The following GLMN variants were observed in gnomAD, a reference collection of about 807,000 sequenced individuals.
GLMN encodes the protein glomulin, FKBP associated protein.
In GLMN, 75 loss-of-function variants were observed where a neutral mutation model predicts 87.8. The observed-to-expected ratio is 0.85, with a 90% CI of 0.71 to 1.04. GLMN has a LOEUF of 1.04. Ranked by LOEUF, GLMN falls within the 50% of genes least tolerant of loss-of-function variation. The probability of loss-of-function intolerance (pLI) is 0.00; values close to 1 mark genes in which losing one functional copy is unlikely to be tolerated. For synonymous variants in GLMN, 206 were observed against 221.6 expected (o/e 0.93, Z 0.63); for missense variants, 588 against 658.8 (o/e 0.89, Z 1.18).
chr1:92,251,728 AT>A (rs1176588692), intron 16 of GLMN, among the ~76,000 whole-genome samples: 2 of 151,252 alleles, frequency 1.3e-5, no homozygotes, highest in East Asian at 1.9e-4. Flanking sequence ...TAAGTTGAAA[AT>A]TTTTTTCTTT....
chr1:92,278,741 T>A (rs1647604960), intron 7 of GLMN, among the ~76,000 whole-genome samples: 1 of 152,196 alleles, frequency 6.6e-6, no homozygotes, highest in African/African-American at 2.4e-5. Flanking sequence ...TACCCCTCCT[T>A]GTTGCAGTTA....
At chr1:92,356,820 T>C in the GLMN span, among the ~76,000 whole-genome samples, 1 of 151,684 alleles carries the variant, frequency 6.6e-6, no homozygotes, top group Non-Finnish European at 1.5e-5. Context: ...CCCAGCACTT[T>C]GGGAGGCTAA....
intron 9 of GLMN, among the ~76,000 whole-genome samples, 170 bp from the exon 10 acceptor site, chr1:92,268,305 T>C (rs1023625424): frequency 6.6e-6 from 1 of 152,238 alleles, no homozygotes. Context: ...ATCTTTGATC[T>C]GTCTTTCGGT....
upstream of GLMN, among the ~76,000 whole-genome samples, chr1:92,299,985 C>T (rs1457711806): frequency 6.6e-6 from 1 of 152,188 alleles, no homozygotes; most frequent in Non-Finnish European, 1.5e-5. Context: ...CCTACTTACA[C>T]ACTAGGCTAT....
the GLMN span, among the ~76,000 whole-genome samples, chr1:92,350,289 T>A: frequency 6.6e-6 from 1 of 152,202 alleles, no homozygotes; most frequent in Non-Finnish European, 1.5e-5. Flanking sequence ...GTCCTCTTAT[T>A]CTTATTTAAT....
At chr1:92,331,962 G>C in the GLMN span, among the ~76,000 whole-genome samples, 1 of 151,566 alleles carries the variant, frequency 6.6e-6, no homozygotes, top group Admixed American at 6.6e-5. Flanking sequence ...CTTGTCTTTT[G>C]GCTTACATTT....
At chr1:92,273,898 G>A (rs1224158035) in intron 7 of GLMN, among the ~76,000 whole-genome samples, 1 of 152,096 alleles carries the variant, frequency 6.6e-6, no homozygotes, top group African/African-American at 2.4e-5. Context: ...GATCCAGGCT[G>A]TACCTGGCAC....
chr1:92,250,894 CAA>C (rs1241314848), intron 16 of GLMN, among the ~76,000 whole-genome samples: 3 of 152,072 alleles, frequency 2.0e-5, no homozygotes, highest in Non-Finnish European at 4.4e-5. Context: ...TGAGCTTTGA[CAA>C]AGATATATAG....
chr1:92,265,573 T>G (rs1655538294), intron 13 of GLMN, among the ~76,000 whole-genome samples: 1 of 152,018 alleles, frequency 6.6e-6, no homozygotes, highest in Admixed American at 6.6e-5. Context: ...CCCAGGAGTT[T>G]GAGACCAGCC....
the GLMN span, chr1:92,307,318 T>C: frequency 7.5e-7 from 1 of 1,335,676 alleles, no homozygotes; most frequent in Non-Finnish European, 1.0e-6. Flanking sequence ...TCATATATTC[T>C]AATAATTTGT....
At chr1:92,346,158 A>G in the GLMN span, among the ~76,000 whole-genome samples, 3 of 146,856 alleles carry the variant, frequency 2.0e-5, no homozygotes, top group African/African-American at 7.6e-5. Context: ...ATTTGTTTTC[A>G]TCTCTTTTTT....
At chr1:92,269,570 C>T (rs1037087411) in intron 9 of GLMN, among the ~76,000 whole-genome samples, 153 bp downstream of exon 9, 11 of 152,264 alleles carry the variant, frequency 7.2e-5, no homozygotes, top group African/African-American at 2.6e-4. Flanking sequence ...TGACTCATTT[C>T]TGTCTCTCTC....
At position 92,247,093 on chromosome 1, in the gene GLMN, A is replaced by T. The variant is rs1392476774; in HGVS notation, c.1637T>A (p.Ile546Asn). The change falls in exon 18 of 19, where the codon ATC (isoleucine) becomes AAC (asparagine). Residue 546 changes from isoleucine to asparagine, a missense_variant. By Grantham distance (149) the Ile-to-Asn change is moderately radical. Transcript: ENST00000370360. ...LCSITVSGEE[I>N]PNMPPEMQLK... ...CTGCATTTCAGGAGGCATATTAGGG[A>T]TCTCTTCTCCACTTACAGTTATAGA... 2 of 1,577,754 alleles carry T rather than the reference A, an allele frequency of 1.3e-6. No individual in the cohort carries two copies. The highest frequency in any genetic ancestry group is 1.7e-5 in the Admixed American group (1 of 59,966).
At chr1:92,272,971 A>C (rs565150561) in intron 7 of GLMN, among the ~76,000 whole-genome samples, 1 of 152,348 alleles carries the variant, frequency 6.6e-6, no homozygotes, top group Admixed American at 6.5e-5. Flanking sequence ...GAGCAGCTCC[A>C]CAAAAAAAGC....
the GLMN span, among the ~76,000 whole-genome samples, chr1:92,356,298 G>A: frequency 6.6e-6 from 1 of 151,560 alleles, no homozygotes; most frequent in Non-Finnish European, 1.5e-5. Context: ...TTTTATTCTG[G>A]GAATAAGTAT....
intron 9 of GLMN, among the ~76,000 whole-genome samples, chr1:92,268,562 C>T (rs949437587): frequency 1.3e-5 from 2 of 152,220 alleles, no homozygotes; most frequent in African/African-American, 4.8e-5. Flanking sequence ...TACATATTAT[C>T]ACTGTATGAA....
chr1:92,285,930 G>C (rs1270529060), intron 7 of GLMN, among the ~76,000 whole-genome samples: 1 of 152,048 alleles, frequency 6.6e-6, no homozygotes, highest in Non-Finnish European at 1.5e-5. Context: ...ACTTAAATAT[G>C]GAGCTATTTT....
chr1:92,324,278 A>G, the GLMN span: 1 of 1,614,106 alleles, frequency 6.2e-7, no homozygotes. Context: ...GAGAATTTGA[A>G]AAAAGAAACT....
the GLMN span, among the ~76,000 whole-genome samples, chr1:92,357,773 C>T: frequency 6.6e-6 from 1 of 152,276 alleles, no homozygotes; most frequent in Admixed American, 6.5e-5. Flanking sequence ...CTAAAGTGAT[C>T]TGCCTGCCTT....
Sources: gnomAD v4.1 joint callset for allele counts (sites outside exome capture counted in the v4.1 genomes callset) on GRCh38, gnomAD v4.1.1 for gene constraint, MANE v1.5 for transcripts, NCBI Gene and HGNC (gene_info 2026-07-23, HGNC 2026-07-21) for gene names.